The following ZNF721 variants were observed in gnomAD, a reference collection of about 807,000 sequenced individuals.
The protein encoded by ZNF721 is zinc finger protein 721.
A neutral mutation model predicts 2.4 loss-of-function variants in ZNF721; 2 were observed. That is an observed-to-expected ratio of 0.82 (90% confidence interval 0.34 to 2.58). The LOEUF (loss-of-function observed/expected upper bound fraction) is 2.58. ZNF721 is among the 30% of genes most tolerant of loss of function. The pLI is 0.11. For synonymous variants in ZNF721, 398 were observed against 381.8 expected (o/e 1.04, Z -0.50); for missense variants, 1,187 against 1,085.5 (o/e 1.09, Z -1.31).
chr4:441,422 A>G lies in ZNF721; in HGVS notation c.*273T>C. On this transcript the variant is annotated 3_prime_UTR_variant, in exon 3 of 3. Transcript: ENST00000511833. ...AGGAATTACATTAAGAACTGACTAG[A>G]ATTGGAAGTCTTTGCCACATTTTTA... The G allele has an allele frequency of 3.2e-6, 1 of 316,880 alleles. No homozygotes were observed. Among genetic ancestry groups the G allele is most frequent in the Non-Finnish European group, 5.8e-6 (1 of 172,942 alleles). 19.6% of individuals were successfully genotyped at this position (316,880 alleles called of 1,614,324 possible).
At chr4:496,824 T>G (rs1179660314) in intron 1 of ZNF721, among the ~76,000 whole-genome samples, 2 of 148,280 alleles carry the variant, frequency 1.3e-5, no homozygotes, top group Admixed American at 1.4e-4. Flanking sequence ...GCCATTCTCC[T>G]GCCTCAGCCT....
chr4:489,705 CAT>C (rs1715977055), intron 1 of ZNF721, among the ~76,000 whole-genome samples: 1 of 152,294 alleles, frequency 6.6e-6, no homozygotes, highest in Non-Finnish European at 1.5e-5. Context: ...AGCCACCTGA[CAT>C]GTGTAGCTAC....
In ZNF721 at chr4:442,623, C is replaced by T. The variant is rs782190106; in HGVS notation, c.1844G>A (p.Cys615Tyr). The change falls in exon 3 of 3, where the codon TGT becomes TAT. Residue 615 changes from cysteine (C) to tyrosine (Y), a missense_variant. By Grantham distance (194) the Cys-to-Tyr change is radical (BLOSUM62 -2). Coordinates refer to ENST00000511833, the MANE Select transcript of ZNF721 (RefSeq NM_133474.4). ...KIHTGEKLYK[C>Y]EECGKDFVWY... The stretch of plus-strand genomic sequence containing the variant: ...TACAAAGTCTTTGCCACACTCTTCA[C>T]ATTTGTAAAGTTTCTCTCCAGTATG... 6.2e-7 allele frequency: 1 copy of T among 1,613,912 alleles called. No homozygotes were observed. The highest frequency in any genetic ancestry group is 8.5e-7 in the Non-Finnish European group (1 of 1,179,894).
intron 1 of ZNF721, among the ~76,000 whole-genome samples, chr4:480,822 G>T (rs1424149460): frequency 3.1e-5 from 3 of 96,450 alleles, no homozygotes; most frequent in East Asian, 3.4e-4. Flanking sequence ...TTCACCTTTT[G>T]TGGGGGGGGG....
At chr4:457,817 T>C (rs1201443526) in intron 2 of ZNF721, among the ~76,000 whole-genome samples, 1 of 152,196 alleles carries the variant, frequency 6.6e-6, no homozygotes, top group East Asian at 1.9e-4. Flanking sequence ...CACCTGTATG[T>C]GCCCCTGTAG....
At chr4:484,849 G>T (rs1715853451) in intron 1 of ZNF721, among the ~76,000 whole-genome samples, 1 of 152,140 alleles carries the variant, frequency 6.6e-6, no homozygotes, top group East Asian at 1.9e-4. Flanking sequence ...ACCCTGTTAA[G>T]TACTTGAAGT....
intron 1 of ZNF721, among the ~76,000 whole-genome samples, chr4:493,750 C>T (rs957665306): frequency 6.6e-6 from 1 of 151,124 alleles, no homozygotes; most frequent in Non-Finnish European, 1.5e-5. Flanking sequence ...TTCATTAAAC[C>T]AATATCAGTG....
At chr4:497,784 G>A (rs1446360693) in intron 1 of ZNF721, among the ~76,000 whole-genome samples, 1 of 151,666 alleles carries the variant, frequency 6.6e-6, no homozygotes, top group Non-Finnish European at 1.5e-5. Flanking sequence ...TGTAGTCCCA[G>A]CTACACGGGA....
intron 2 of ZNF721, among the ~76,000 whole-genome samples, chr4:464,293 A>T (rs1207110646): frequency 2.6e-5 from 4 of 152,058 alleles, no homozygotes; most frequent in African/African-American, 9.7e-5. Flanking sequence ...CAACATGGTG[A>T]AACCCATCTC....
intron 1 of ZNF721, among the ~76,000 whole-genome samples, chr4:474,588 A>G (rs1041459386): frequency 6.6e-6 from 1 of 152,208 alleles, no homozygotes; most frequent in Admixed American, 6.5e-5. Flanking sequence ...TAAAAAATAA[A>G]ATGTTAGGCT....
chr4:478,217 CT>C (rs1180091710), intron 1 of ZNF721, among the ~76,000 whole-genome samples: 2 of 152,134 alleles, frequency 1.3e-5, no homozygotes, highest in Non-Finnish European at 2.9e-5. Flanking sequence ...AATTAAGGAC[CT>C]TGCACTTCTT....
intron 1 of ZNF721, among the ~76,000 whole-genome samples, chr4:487,534 G>A (rs1376029664): frequency 6.6e-6 from 1 of 152,132 alleles, no homozygotes; most frequent in Admixed American, 6.5e-5. Context: ...TATGTTTTGG[G>A]ATTGTTTGTT....
rs1576951497 is a variant in ZNF721, at chr4:443,948, G to A, written c.519C>T (p.Ala173=). The A allele has an allele frequency of 1.9e-6, 3 of 1,614,024 alleles. No homozygotes were observed. The East Asian group carries it at 6.7e-5, about 36-fold the overall frequency. ...CAGTAAGGTTTGTTGACCTATTAAA[G>A]GCTTTGCCACATTCTTCACATTTGT... ...KPYKCEECGK[A]FNRSTNLTAH... The change falls in exon 3 of 3, where the codon GCC becomes GCT. Residue 173 remains alanine, a synonymous_variant. Coordinates refer to ENST00000511833, the MANE Select transcript of ZNF721 (RefSeq NM_133474.4).
intron 1 of ZNF721, among the ~76,000 whole-genome samples, chr4:474,539 G>T (rs1407444401): frequency 6.6e-6 from 1 of 152,014 alleles, no homozygotes; most frequent in Non-Finnish European, 1.5e-5. Flanking sequence ...GTGGTGTTTT[G>T]AGTAGGACAC....
At chr4:468,382 T>C (rs1265717010) in intron 2 of ZNF721, among the ~76,000 whole-genome samples, 1 of 151,360 alleles carries the variant, frequency 6.6e-6, no homozygotes, top group African/African-American at 2.4e-5. Flanking sequence ...GTGAGCCAAG[T>C]TCATGGCACT....
intron 2 of ZNF721, among the ~76,000 whole-genome samples, chr4:470,706 CTG>C (rs1284843685): frequency 6.6e-6 from 1 of 151,914 alleles, no homozygotes; most frequent in African/African-American, 2.4e-5. Context: ...AAGAGCAAAA[CTG>C]TGTCTCAAAA....
chr4:485,935 A>T (rs1553870253), intron 1 of ZNF721, among the ~76,000 whole-genome samples: 8 of 152,124 alleles, frequency 5.3e-5, no homozygotes, highest in Non-Finnish European at 2.9e-5. Context: ...AGATTGTGCC[A>T]CTGCACTCCA....
intron 1 of ZNF721, chr4:474,238 G>A: frequency 5.4e-6 from 2 of 370,298 alleles, no homozygotes; most frequent in Non-Finnish European, 1.1e-5. Flanking sequence ...ATTGGATATG[G>A]GTCCAGGCTT....
intron 1 of ZNF721, among the ~76,000 whole-genome samples, chr4:478,504 G>T (rs1715692655): frequency 6.6e-6 from 1 of 151,854 alleles, no homozygotes; most frequent in Non-Finnish European, 1.5e-5. Context: ...TGGATTACAG[G>T]CATGAGTCAT....
Sources: gnomAD v4.1 joint callset for allele counts (sites outside exome capture counted in the v4.1 genomes callset) on GRCh38, gnomAD v4.1.1 for gene constraint, MANE v1.5 for transcripts, NCBI Gene and HGNC (gene_info 2026-07-23, HGNC 2026-07-21) for gene names.